Variants in WASHC4 observed in about 807,000 individuals in gnomAD.
The protein encoded by WASHC4 is WASH complex subunit 4.
WASHC4 carries 86 observed loss-of-function variants against 166.6 expected under a neutral mutation model. That is an observed-to-expected ratio of 0.52 (90% CI 0.43 to 0.62). The LOEUF (loss-of-function observed/expected upper bound fraction) is 0.62. Ranked by LOEUF, WASHC4 falls within the 20% of genes least tolerant of loss-of-function variation. The pLI, the probability that WASHC4 is intolerant of heterozygous loss-of-function variation, is 0.00. For synonymous variants in WASHC4, 446 were observed against 451.6 expected, an observed-to-expected ratio of 0.99 and a Z score of 0.16; for missense variants, 1,262 against 1,382.4, an observed-to-expected ratio of 0.91 and a Z score of 1.38.
intron 5 of WASHC4, 50 bp downstream of exon 5, chr12:105,115,279 A>G: frequency 8.9e-7 from 1 of 1,127,760 alleles, no homozygotes; most frequent in Non-Finnish European, 1.4e-6. Flanking sequence ...TGAAATGAAC[A>G]AAAAGTTAAC....
chr12:105,164,165 A>G lies in WASHC4; in HGVS notation c.3212A>G (p.His1071Arg). 1 of 1,614,126 alleles carries G rather than the reference A, an allele frequency of 6.2e-7. No homozygotes were observed. The highest frequency in any genetic ancestry group is 8.5e-7 in the Non-Finnish European group (1 of 1,180,004). The change falls in exon 31 of 33, where the codon CAC (histidine) becomes CGC (arginine). Residue 1071 changes from histidine to arginine, a missense_variant. Physicochemically the swap from His to Arg is conservative, Grantham distance 29. Coordinates refer to ENST00000332180, the MANE Select transcript of WASHC4 (RefSeq NM_015275.3). ...CAGTATCGGGAGTTTGATTCACTTC[A>G]CTGGTTCCAGTCTGTTAGAGAGAAA... Reference protein sequence around the residue: ...LDQYREFDSLHWFQSVREKYL... With the variant: ...LDQYREFDSLRWFQSVREKYL...
chr12:105,135,185 G>C (rs1290208220), intron 14 of WASHC4, among the ~76,000 whole-genome samples: 1 of 151,846 alleles, frequency 6.6e-6, no homozygotes, highest in African/African-American at 2.4e-5. Context: ...CGCTATTGTT[G>C]TTTTTATAGT....
rs1884908626 is a variant in WASHC4, at chr12:105,168,243, A to G, written c.*1312A>G. 6.6e-6 allele frequency: 1 copy of G among 152,464 alleles called. No homozygotes were observed. Among genetic ancestry groups the G allele is most frequent in the African/African-American group, 2.4e-5 (1 of 41,446 alleles). 9.4% of individuals were successfully genotyped at this position (152,464 alleles called of 1,614,324 possible). ...TAGGGTCAGGGTAACTTGCCAGCCC[A>G]AGATAAATACTTTAATTGTTAAAAG... On this transcript the variant is annotated 3_prime_UTR_variant, in exon 33 of 33. Coordinates refer to ENST00000332180, the MANE Select transcript of WASHC4 (RefSeq NM_015275.3).
chr12:105,141,083 A>G (rs1324939860), intron 17 of WASHC4, 38 bp downstream of exon 17: 1 of 1,613,034 alleles, frequency 6.2e-7, no homozygotes, highest in Non-Finnish European at 8.5e-7. Context: ...CAGAAATGAG[A>G]TCTGAGATTT....
chr12:105,158,018 G>T (rs969612527), intron 28 of WASHC4, among the ~76,000 whole-genome samples: 5 of 151,900 alleles, frequency 3.3e-5, no homozygotes, highest in Admixed American at 3.3e-4. Flanking sequence ...TGGGCAAGGG[G>T]GAGACAATTT....
In WASHC4 at chr12:105,162,802, A is replaced by G. The variant is rs764807356; in HGVS notation, c.3114A>G (p.Lys1038=). 4.4e-6 allele frequency: 7 copies of G among 1,605,454 alleles called. No homozygotes were observed. Among genetic ancestry groups the G allele is most frequent in the Non-Finnish European group, 6.0e-6 (7 of 1,174,092 alleles). ...SISCKEKLNK[K]NKIGAAFTDD... Reference sequence around the variant, plus strand: ...GTTGCAAGGAAAAATTAAATAAAAAAAATAAAATTGGAGCTGCCTTTACTG... The same window carrying G: ...GTTGCAAGGAAAAATTAAATAAAAAGAATAAAATTGGAGCTGCCTTTACTG... Residue 1038 remains lysine, a synonymous_variant, in exon 30 of 33, where the codon AAA becomes AAG. Coordinates refer to ENST00000332180, the MANE Select transcript of WASHC4 (RefSeq NM_015275.3).
rs1880810126 is a variant in WASHC4, at chr12:105,122,135, A to G, written c.683A>G (p.His228Arg). 5.6e-6 allele frequency: 9 copies of G among 1,603,196 alleles called. No individual in the cohort carries two copies. Among genetic ancestry groups the G allele is most frequent in the Non-Finnish European group, 6.8e-6 (8 of 1,170,618 alleles). ...TMYKRLLKSV[H>R]HNPSKFGIQE... The stretch of plus-strand genomic sequence containing the variant: ...TCCTCAAGGTTACTGAAATCTGTCC[A>G]TCACAATCCTTCAAAATTTGGAATT... The change falls in exon 10 of 33, where the codon CAT becomes CGT. Residue 228 changes from histidine (H) to arginine (R), a missense_variant. Coordinates refer to ENST00000332180, the MANE Select transcript of WASHC4 (RefSeq NM_015275.3).
At chr12:105,139,025 T>C (rs1324558901) in intron 15 of WASHC4, among the ~76,000 whole-genome samples, 1 of 152,204 alleles carries the variant, frequency 6.6e-6, no homozygotes, top group Non-Finnish European at 1.5e-5. Flanking sequence ...TGTTTTTCTT[T>C]TTAGCTTGCC....
intron 21 of WASHC4, 107 bp downstream of exon 21, chr12:105,144,562 C>A: frequency 1.8e-6 from 2 of 1,137,726 alleles, no homozygotes; most frequent in Non-Finnish European, 2.5e-6. Context: ...TGTTGTTATT[C>A]TTTAATTACA....
In WASHC4 at chr12:105,139,425, G is replaced by GTGTGTGTGTGTGTATATA; in HGVS notation, c.1453-868_1453-867insGTGTGTGTGTGTATATAT. Among the ~76,000 whole-genome samples, 194 of 103,186 alleles carry GTGTGTGTGTGTGTATATA rather than the reference G, an allele frequency of 1.9e-3. 1 individual carries two copies. Among genetic ancestry groups the GTGTGTGTGTGTGTATATA allele is most frequent in the South Asian group, 9.3e-3 (25 of 2,696 alleles). 67.7% of individuals were successfully genotyped at this position (103,186 alleles called of 152,430 possible). A position where few individuals can be genotyped will look rare whatever the true frequency, so the allele number is the denominator to read the frequency against. On this transcript the variant is annotated intron_variant, in intron 15 of 32. Transcript: ENST00000332180. ...AGACAGACTATATATATGTGTGTGTGTATATATATATATATATATATATAT... is the reference window on the plus strand; with the variant it reads ...AGACAGACTATATATATGTGTGTGTGTGTGTGTGTGTGTATATATATATATATATATATATATATATAT...
rs767023309 is a variant in WASHC4 at position 105,115,238 on chromosome 12, A to G, written c.367+9A>G. ...GTTTTATGGAGAAGGAGGTAAGTTT[A>G]AAATTCCAAATTGTGATGCCTTTTT... On this transcript the variant is annotated intron_variant, in intron 5 of 32. Coordinates refer to ENST00000332180, the MANE Select transcript of WASHC4 (RefSeq NM_015275.3). 5 of 1,543,130 alleles carry G rather than the reference A, an allele frequency of 3.2e-6. No homozygotes were observed. In the African/African-American group the frequency reaches 5.4e-5, roughly 17 times the overall value.
intron 1 of WASHC4, 88 bp downstream of exon 1, chr12:105,107,949 C>T (rs1879236716): frequency 2.0e-6 from 2 of 983,494 alleles, no homozygotes; most frequent in East Asian, 2.6e-5. Flanking sequence ...GCGAGAGGGA[C>T]GGCTGCGCAG....
intron 32 of WASHC4, among the ~76,000 whole-genome samples, chr12:105,166,339 A>G (rs921767100): frequency 6.6e-6 from 1 of 152,202 alleles, no homozygotes; most frequent in Non-Finnish European, 1.5e-5. Context: ...AAAACAGTGA[A>G]AAGCTGTTTC....
chr12:105,160,207 A>G, intron 29 of WASHC4, 59 bp downstream of exon 29: 3 of 1,430,470 alleles, frequency 2.1e-6, no homozygotes, highest in Non-Finnish European at 3.0e-6. Context: ...GCACAAATAG[A>G]TCTGGTTTCT....
chr12:105,126,001 T>G lies in WASHC4; in HGVS notation c.787-3T>G, dbSNP rs1262855377. On this transcript the variant is annotated splice_region_variant and splice_polypyrimidine_tract_variant and intron_variant, in intron 10 of 32. Coordinates refer to ENST00000332180, the MANE Select transcript of WASHC4 (RefSeq NM_015275.3). ...AATTTCTCTTTCAATGTTTCCTGTC[T>G]AGGCCTGTATAGAACAACAATTTGA... is the stretch of plus-strand genomic sequence containing the variant. The G allele has an allele frequency of 1.2e-6, 2 of 1,611,650 alleles. No individual in the cohort carries two copies. The highest frequency in any genetic ancestry group is 1.7e-6 in the Non-Finnish European group (2 of 1,178,216).
At chr12:105,155,248 G>C (rs1884048258) in intron 26 of WASHC4, 1 of 152,318 alleles carries the variant, frequency 6.6e-6, no homozygotes, top group East Asian at 1.9e-4. Context: ...GATGTAAGGG[G>C]GCTGGGCAGT....
intron 26 of WASHC4, among the ~76,000 whole-genome samples, chr12:105,155,841 CA>C (rs1294472822): frequency 6.6e-6 from 1 of 150,860 alleles, no homozygotes; most frequent in Non-Finnish European, 1.5e-5. Flanking sequence ...GACTCTGTCT[CA>C]AAAAAAAGAA....
Position 105,121,177 on chromosome 12 carries a change from T to C in WASHC4, c.638T>C (p.Leu213Pro). The C allele has an allele frequency of 6.2e-7, 1 of 1,603,274 alleles. No homozygotes were observed. The highest frequency in any genetic ancestry group is 8.5e-7 in the Non-Finnish European group (1 of 1,170,686). The change falls in exon 9 of 33, where the codon CTG (leucine) becomes CCG (proline). Residue 213 changes from leucine (L) to proline (P), a missense_variant. Physicochemically the swap from Leu to Pro is moderately conservative, Grantham distance 98 (BLOSUM62 -3). Transcript: ENST00000332180. ...GAAATTATTGATAATCATATCACAC[T>C]GAAAGACCACTGGACTATGTACAAA... ...LDEIIDNHIT[L>P]KDHWTMYKRL...
chr12:105,121,004 T>G (rs567099337), intron 8 of WASHC4, 97 bp from the exon 9 acceptor site: 1 of 789,864 alleles, frequency 1.3e-6, no homozygotes, highest in Admixed American at 1.9e-5. Context: ...CTTTTACTAA[T>G]TCAGTAATCA....
Sources: gnomAD v4.1 joint callset for allele counts (sites outside exome capture counted in the v4.1 genomes callset) on GRCh38, gnomAD v4.1.1 for gene constraint, MANE v1.5 for transcripts, NCBI Gene and HGNC (gene_info 2026-07-23, HGNC 2026-07-21) for gene names.